SCN10A: variants seen among roughly 807,000 people sequenced by gnomAD.
The protein encoded by SCN10A is sodium channel protein type 10 subunit alpha.
SCN10A carries 162 observed loss-of-function variants against 170.7 expected under a neutral mutation model. The observed-to-expected ratio is 0.95, with a 90% CI of 0.84 to 1.08. The LOEUF (loss-of-function observed/expected upper bound fraction) is 1.08, where lower values mean the gene tolerates loss of function less well. Ranked by LOEUF, SCN10A falls within the 50% of genes least tolerant of loss-of-function variation. The pLI, the probability that SCN10A is intolerant of heterozygous loss-of-function variation, is 0.00. For synonymous variants in SCN10A, 985 were observed against 904.6 expected (o/e 1.09, Z -1.59); for missense variants, 2,527 against 2,436.9 (o/e 1.04, Z -0.78).
intron 1 of SCN10A, 94 bp from the exon 2 acceptor site, chr3:38,794,136 T>C: frequency 1.2e-6 from 1 of 851,742 alleles, no homozygotes; most frequent in South Asian, 1.6e-5. Flanking sequence ...GAACAGCCCT[T>C]CTCCCACCCT....
intron 21 of SCN10A, among the ~76,000 whole-genome samples, chr3:38,715,518 A>G (rs1438259474): frequency 6.6e-6 from 1 of 152,132 alleles, no homozygotes; most frequent in Non-Finnish European, 1.5e-5. Flanking sequence ...TTTCACCCAC[A>G]CATTCTACCC....
intron 27 of SCN10A, among the ~76,000 whole-genome samples, chr3:38,701,296 T>G (rs2063153642): frequency 6.6e-6 from 1 of 152,236 alleles, no homozygotes; most frequent in African/African-American, 2.4e-5. Flanking sequence ...ATTGATATCT[T>G]GACTTTTCTA....
chr3:38,780,187 A>C lies in SCN10A; in HGVS notation c.470+8769T>G, dbSNP rs566553725. ...TATTGTTGCCATCTTATTTGTTGCAAAGATATAGATTACTATCGTCTTTAA... is the reference window on the plus strand; with the variant it reads ...TATTGTTGCCATCTTATTTGTTGCACAGATATAGATTACTATCGTCTTTAA... On this transcript the variant is annotated intron_variant, in intron 4 of 27. Coordinates refer to ENST00000449082, the MANE Select transcript of SCN10A (RefSeq NM_006514.4). Among the ~76,000 whole-genome samples the C allele has an allele frequency of 8.0e-4, 122 of 152,092 alleles. 1 individual carries two copies. The highest frequency in any genetic ancestry group is 6.0e-3 in the South Asian group (29 of 4,822).
chr3:38,770,373 G>A (rs1327721164), intron 5 of SCN10A, among the ~76,000 whole-genome samples: 1 of 152,258 alleles, frequency 6.6e-6, no homozygotes, highest in Middle Eastern at 3.4e-3. Context: ...ACCATCAGGT[G>A]GGGGCAGGGG....
chr3:38,767,733 T>A (rs1395977084), intron 5 of SCN10A, among the ~76,000 whole-genome samples: 2 of 152,168 alleles, frequency 1.3e-5, no homozygotes, highest in Non-Finnish European at 2.9e-5. Context: ...GGTAGAATGT[T>A]TTTTAAATAT....
chr3:38,730,790 G>C (rs1009734159), intron 15 of SCN10A, among the ~76,000 whole-genome samples: 16 of 152,032 alleles, frequency 1.1e-4, no homozygotes, highest in African/African-American at 3.9e-4. Context: ...AGTGAACTGA[G>C]GATATATCAG....
rs762508511 is a variant in SCN10A at position 38,697,485 on chromosome 3, G to A, written c.5735C>T (p.Ala1912Val). 1.9e-6 allele frequency: 3 copies of A among 1,614,206 alleles called. No individual in the cohort carries two copies. Among genetic ancestry groups the A allele is most frequent in the Admixed American group, 1.7e-5 (1 of 60,014 alleles). Residue 1912 changes from alanine to valine, a missense_variant, in exon 28 of 28, where the codon GCT becomes GTT. Coordinates refer to ENST00000449082, the MANE Select transcript of SCN10A (RefSeq NM_006514.4). ...NCVLPDKSET[A>V]SATSFPPSYE... ...GGACGGTGGGAATGATGTGGCAGAA[G>A]CAGTTTCAGATTTGTCTGGGAGTAC...
chr3:38,769,239 CTT>C (rs56406440), intron 5 of SCN10A, among the ~76,000 whole-genome samples: 5 of 109,980 alleles, frequency 4.5e-5, no homozygotes, highest in East Asian at 5.4e-4. Flanking sequence ...CTTCTGAATT[CTT>C]TTTTTTTTTT....
chr3:38,728,187 T>A (rs1254673314), intron 16 of SCN10A, among the ~76,000 whole-genome samples: 1 of 152,222 alleles, frequency 6.6e-6, no homozygotes, highest in Non-Finnish European at 1.5e-5. Context: ...TCATCTCCTG[T>A]CATTTAATTC....
intron 21 of SCN10A, among the ~76,000 whole-genome samples, chr3:38,716,600 TA>T (rs1559418728): frequency 1.3e-5 from 2 of 152,092 alleles, no homozygotes; most frequent in Non-Finnish European, 2.9e-5. Flanking sequence ...GAAAATAGAC[TA>T]ATACAAATAT....
chr3:38,728,116 T>G (rs1229378950), intron 16 of SCN10A, among the ~76,000 whole-genome samples: 1 of 152,214 alleles, frequency 6.6e-6, no homozygotes, highest in Non-Finnish European at 1.5e-5. Flanking sequence ...TAACAGCTAA[T>G]AGACACCGTT....
At chr3:38,783,654 G>A (rs758470618) in intron 4 of SCN10A, among the ~76,000 whole-genome samples, 3 of 152,026 alleles carry the variant, frequency 2.0e-5, no homozygotes, top group South Asian at 2.1e-4. Context: ...ATGGGCAAAT[G>A]TTCATAAACT....
intron 11 of SCN10A, among the ~76,000 whole-genome samples, chr3:38,754,299 T>C (rs886306142): frequency 3.3e-5 from 5 of 152,246 alleles, no homozygotes; most frequent in Non-Finnish European, 5.9e-5. Context: ...ACACCATGTA[T>C]GTGTCTCTAA....
chr3:38,705,295 G>T (rs1318771769), intron 26 of SCN10A, among the ~76,000 whole-genome samples: 1 of 152,190 alleles, frequency 6.6e-6, no homozygotes, highest in Non-Finnish European at 1.5e-5. Context: ...CTCCACTAAG[G>T]CTAGCAAAAG....
intron 15 of SCN10A, among the ~76,000 whole-genome samples, chr3:38,735,814 TC>T (rs1384370749): frequency 1.3e-5 from 2 of 152,232 alleles, no homozygotes; most frequent in Admixed American, 6.5e-5. Flanking sequence ...TCTTCCTTTT[TC>T]CCTCCACCTT....
intron 26 of SCN10A, among the ~76,000 whole-genome samples, chr3:38,703,380 A>C (rs2063177167): frequency 6.6e-6 from 1 of 152,168 alleles, no homozygotes; most frequent in Non-Finnish European, 1.5e-5. Flanking sequence ...ATATTTCAGA[A>C]ACTTACATCT....
chr3:38,698,395 T>C lies in SCN10A; in HGVS notation c.4825A>G (p.Asn1609Asp), dbSNP rs1057518302. 1.9e-6 allele frequency: 3 copies of C among 1,614,120 alleles called. No individual in the cohort carries two copies. The Admixed American group carries it at 5.0e-5, about 27-fold the overall frequency. Residue 1609 changes from asparagine to aspartate, a missense_variant, in exon 28 of 28, where the codon AAC becomes GAC. Physicochemically the swap from Asn to Asp is conservative, Grantham distance 23. Coordinates refer to ENST00000449082, the MANE Select transcript of SCN10A (RefSeq NM_006514.4). ...ACAAGGAATAGCAACAGCCCGATGT[T>C]GAAGAGGGCAGGCAGGGACATCATG... Reference protein sequence around the residue: ...ALMMSLPALFNIGLLLFLVMF... With the variant: ...ALMMSLPALFDIGLLLFLVMF...
At chr3:38,748,884 C>T (rs1167819063) in intron 13 of SCN10A, among the ~76,000 whole-genome samples, 1 of 152,208 alleles carries the variant, frequency 6.6e-6, no homozygotes, top group Non-Finnish European at 1.5e-5. Context: ...TATCCTACCC[C>T]AAGATACCTG....
rs373714409 is a variant in SCN10A, at chr3:38,772,700, C to T, written c.471-1293G>A. 2.9e-4 allele frequency among the ~76,000 whole-genome samples: 36 copies of T among 125,538 alleles called. 2 individuals are homozygous for T. The highest frequency in any genetic ancestry group is 1.8e-3 in the East Asian group (8 of 4,376). The allele number at this position is 125,538 out of a possible 152,430, so 82.4% of individuals were successfully genotyped here. ...CAAGACTTCGTCTCCAAAACAACAA[C>T]AACAACAGCAACAACAACAACAACA... is the stretch of plus-strand genomic sequence containing the variant. On this transcript the variant is annotated intron_variant, in intron 4 of 27. Transcript: ENST00000449082.
Sources: gnomAD v4.1 joint callset for allele counts (sites outside exome capture counted in the v4.1 genomes callset) on GRCh38, gnomAD v4.1.1 for gene constraint, MANE v1.5 for transcripts, NCBI Gene and HGNC (gene_info 2026-07-23, HGNC 2026-07-21) for gene names.